ROBO2: variants seen among roughly 807,000 people sequenced by gnomAD.
ROBO2 encodes the protein roundabout guidance receptor 2, also known as roundabout homolog 2.
In ROBO2, 53 loss-of-function variants were observed where a neutral mutation model predicts 160.8. The ratio of observed to expected loss-of-function variants is 0.33; its 90% CI spans 0.26 to 0.41. The LOEUF is 0.41. ROBO2 is among the 10% of genes least tolerant of loss of function. The pLI is 1.00. For synonymous variants in ROBO2, 664 were observed against 611.7 expected (o/e 1.09, Z -1.26); for missense variants, 1,577 against 1,722.4 (o/e 0.92, Z 1.49).
chr3:77,527,356 T>C (rs1582719598), intron 6 of ROBO2, 47 bp from the exon 7 acceptor site: 1 of 1,278,016 alleles, frequency 7.8e-7, no homozygotes, highest in Non-Finnish European at 1.0e-6. Flanking sequence ...CTTTCTTTTT[T>C]TTAATTTCTT....
At chr3:77,274,195 T>G (rs2059681287) in intron 2 of ROBO2, among the ~76,000 whole-genome samples, 1 of 152,138 alleles carries the variant, frequency 6.6e-6, no homozygotes, top group Admixed American at 6.5e-5. Flanking sequence ...GCATATAAAA[T>G]ACATGCTTAC....
chr3:77,156,144 T>A (rs1365098581), intron 2 of ROBO2, among the ~76,000 whole-genome samples: 1 of 151,970 alleles, frequency 6.6e-6, no homozygotes, highest in Non-Finnish European at 1.5e-5. Flanking sequence ...AAACCGAACT[T>A]ATAACTTTCC....
intron 6 of ROBO2, among the ~76,000 whole-genome samples, chr3:77,530,504 A>G (rs956688309): frequency 2.0e-5 from 3 of 152,048 alleles, no homozygotes; most frequent in African/African-American, 7.2e-5. Context: ...TCTGGCCTGT[A>G]TTCAGAGTTT....
At chr3:77,232,103 G>T (rs898922082) in intron 2 of ROBO2, among the ~76,000 whole-genome samples, 4 of 152,064 alleles carry the variant, frequency 2.6e-5, no homozygotes, top group African/African-American at 9.7e-5. Flanking sequence ...GCTATGAGTC[G>T]AGTACTTTTA....
intron 2 of ROBO2, among the ~76,000 whole-genome samples, chr3:76,290,819 A>C (rs1042077250): frequency 6.6e-6 from 1 of 152,194 alleles, no homozygotes; most frequent in Non-Finnish European, 1.5e-5. Flanking sequence ...GTGATGCATC[A>C]CATCTGTTGA....
chr3:77,394,719 G>C (rs2075095538), intron 2 of ROBO2, among the ~76,000 whole-genome samples: 1 of 151,986 alleles, frequency 6.6e-6, no homozygotes, highest in South Asian at 2.1e-4. Flanking sequence ...AGATAACCAA[G>C]AATGCCTGCA....
chr3:76,201,889 C>CAAAAAAAAAAA (rs3039047), intron 2 of ROBO2, among the ~76,000 whole-genome samples: 1 of 105,584 alleles, frequency 9.5e-6, no homozygotes, highest in African/African-American at 3.7e-5. Context: ...CGAGAAATGT[C>CAAAAAAAAAAA]AAAAAAAAAA....
chr3:77,477,546 T>C (rs1470175733), exon 3 of ROBO2: 6 of 1,613,946 alleles, frequency 3.7e-6, no homozygotes, highest in Middle Eastern at 1.6e-4. Flanking sequence ...AAAGTTCGAA[T>C]TGATGACAAG....
intron 2 of ROBO2, among the ~76,000 whole-genome samples, chr3:76,223,267 A>T (rs1704084730): frequency 6.6e-6 from 1 of 152,036 alleles, no homozygotes; most frequent in Non-Finnish European, 1.5e-5. Flanking sequence ...GAAGAGAATC[A>T]GCATTATTTT....
intron 5 of ROBO2, among the ~76,000 whole-genome samples, chr3:77,504,138 G>C (rs114825468): frequency 0.023 from 3,485 of 152,204 alleles, 129 homozygotes; most frequent in African/African-American, 0.078. Context: ...CCTCTGAGAA[G>C]TGATTCATCA....
intron 2 of ROBO2, among the ~76,000 whole-genome samples, chr3:76,190,458 A>G (rs1254470180): frequency 6.6e-6 from 1 of 152,118 alleles, no homozygotes; most frequent in East Asian, 1.9e-4. Context: ...CAGATTTTAT[A>G]AGCATTTTAA....
At chr3:76,722,497 T>C (rs1422385877) in intron 2 of ROBO2, among the ~76,000 whole-genome samples, 1 of 152,128 alleles carries the variant, frequency 6.6e-6, no homozygotes, top group African/African-American at 2.4e-5. Context: ...AAGTACACAA[T>C]TTAGTGGGTT....
intron 2 of ROBO2, among the ~76,000 whole-genome samples, chr3:76,215,138 C>A (rs958093842): frequency 6.6e-6 from 1 of 152,122 alleles, no homozygotes; most frequent in African/African-American, 2.4e-5. Flanking sequence ...ACAGAAAGGA[C>A]ATCCACACCA....
At chr3:76,261,260 G>A (rs1706742877) in intron 2 of ROBO2, among the ~76,000 whole-genome samples, 1 of 151,108 alleles carries the variant, frequency 6.6e-6, no homozygotes, top group South Asian at 2.1e-4. Flanking sequence ...GAGCTCTTCT[G>A]TTTGAAGTGG....
intron 1 of ROBO2, among the ~76,000 whole-genome samples, chr3:77,055,601 A>G (rs771384315): frequency 6.6e-6 from 1 of 152,188 alleles, no homozygotes; most frequent in Non-Finnish European, 1.5e-5. Flanking sequence ...AAAAATATAC[A>G]TTTGGAAGAC....
intron 2 of ROBO2, among the ~76,000 whole-genome samples, chr3:76,686,356 T>G (rs908529879): frequency 1.3e-5 from 2 of 152,074 alleles, no homozygotes; most frequent in African/African-American, 4.8e-5. Context: ...GTAATCTTCC[T>G]GCCAAATCAA....
intron 2 of ROBO2, among the ~76,000 whole-genome samples, chr3:76,174,903 T>C (rs2073171301): frequency 6.6e-6 from 1 of 152,028 alleles, no homozygotes; most frequent in Non-Finnish European, 1.5e-5. Context: ...TGTGAAGAAA[T>C]TCAATAGTAG....
At chr3:76,065,727 TTTAAACTAA>T (rs67021031) in intron 2 of ROBO2, among the ~76,000 whole-genome samples, 20,997 of 63,644 alleles carry the variant, frequency 0.33, 1,627 homozygotes, top group African/African-American at 0.39. Context: ...TATATGCATA[TTTAAACTAA>T]ATATATATAT....
chr3:75,954,096 A>G (rs1948644804), intron 2 of ROBO2, among the ~76,000 whole-genome samples: 1 of 151,914 alleles, frequency 6.6e-6, no homozygotes, highest in Admixed American at 6.6e-5. Context: ...CTGTTCATGC[A>G]GTCAGCATAA....
Sources: gnomAD v4.1 joint callset for allele counts (sites outside exome capture counted in the v4.1 genomes callset) on GRCh38, gnomAD v4.1.1 for gene constraint, MANE v1.5 for transcripts, NCBI Gene and HGNC (gene_info 2026-07-23, HGNC 2026-07-21) for gene names.